The following MALRD1 variants were observed in gnomAD, a reference collection of about 807,000 sequenced individuals.
MALRD1 encodes MAM and LDL receptor class A domain containing 1.
Under a neutral mutation model 242.1 loss-of-function variants are expected in MALRD1, and 247 were observed. That is an observed-to-expected ratio of 1.02 (90% confidence interval 0.92 to 1.13). The LOEUF is 1.13. Among genes scored for constraint, MALRD1 ranks in the 50% most tolerant of loss-of-function variants. MALRD1 has a pLI of 0.00. For synonymous variants in MALRD1, 995 were observed against 866.6 expected, an observed-to-expected ratio of 1.15 and a Z score of -2.60; for missense variants, 2,989 against 2,533.1, an observed-to-expected ratio of 1.18 and a Z score of -3.86.
intron 29 of MALRD1, among the ~76,000 whole-genome samples, chr10:19,450,722 A>C (rs975286425): frequency 3.9e-5 from 6 of 152,222 alleles, no homozygotes; most frequent in African/African-American, 1.4e-4. Flanking sequence ...GCATATAAAC[A>C]ACAGAAATTT....
chr10:19,190,852 C>A (rs562013697), intron 14 of MALRD1, among the ~76,000 whole-genome samples: 1 of 151,982 alleles, frequency 6.6e-6, no homozygotes, highest in African/African-American at 2.4e-5. Context: ...CTATAAAACT[C>A]TTAGAAGAAA....
intron 5 of MALRD1, among the ~76,000 whole-genome samples, chr10:19,112,625 C>T (rs1413497926): frequency 6.6e-6 from 1 of 151,982 alleles, no homozygotes; most frequent in African/African-American, 2.4e-5. Context: ...AAATTTTGGG[C>T]AGGAAGAAGG....
intron 5 of MALRD1, among the ~76,000 whole-genome samples, chr10:19,109,686 C>T (rs1313183951): frequency 6.6e-6 from 1 of 152,202 alleles, no homozygotes; most frequent in African/African-American, 2.4e-5. Context: ...AGCAGATCCT[C>T]ATGGATGGGG....
At chr10:19,197,097 G>A (rs1428614810) in intron 14 of MALRD1, among the ~76,000 whole-genome samples, 2 of 152,096 alleles carry the variant, frequency 1.3e-5, no homozygotes, top group South Asian at 4.1e-4. Flanking sequence ...TTATATGGTG[G>A]CAGGAGAGAG....
chr10:19,098,165 T>C (rs16918242), intron 4 of MALRD1, among the ~76,000 whole-genome samples: 37,003 of 152,090 alleles, frequency 0.24, 4,564 homozygotes, highest in Admixed American at 0.34. Flanking sequence ...GACGCTCATG[T>C]AACGGTTTTA....
intron 36 of MALRD1, among the ~76,000 whole-genome samples, chr10:19,630,011 A>G (rs555264949): frequency 2.6e-5 from 4 of 152,322 alleles, no homozygotes; most frequent in South Asian, 2.1e-4. Context: ...AAGTAGTTCA[A>G]TGCATTTTAA....
Position 19,193,491 on chromosome 10 carries a change from G to C in MALRD1, c.1952-10237G>C, listed in dbSNP as rs763357403. On this transcript the variant is annotated intron_variant, in intron 14 of 39. Coordinates refer to ENST00000454679, the MANE Select transcript of MALRD1 (RefSeq NM_001142308.3). ...GATCTCTTGAGCCTGGGAGGTTGAG[G>C]CTGCATTGAGCCGTGATCATGCCAC... is the stretch of plus-strand genomic sequence containing the variant. Among the ~76,000 whole-genome samples, 3 of 152,140 alleles carry C rather than the reference G, an allele frequency of 2.0e-5. No homozygotes were observed. The East Asian group carries it at 5.8e-4, about 29-fold the overall frequency.
chr10:19,357,906 A>C (rs986992283), intron 26 of MALRD1, among the ~76,000 whole-genome samples: 2 of 152,122 alleles, frequency 1.3e-5, no homozygotes, highest in African/African-American at 4.8e-5. Context: ...CAGAATCTGG[A>C]ATCAGTAATT....
chr10:19,225,856 T>C (rs1183357859), intron 18 of MALRD1, among the ~76,000 whole-genome samples: 1 of 152,196 alleles, frequency 6.6e-6, no homozygotes, highest in African/African-American at 2.4e-5. Flanking sequence ...TCCTCTGGCT[T>C]TCTGATATTT....
At chr10:19,702,414 G>A (rs1454254569) in intron 38 of MALRD1, among the ~76,000 whole-genome samples, 1 of 152,078 alleles carries the variant, frequency 6.6e-6, no homozygotes, top group African/African-American at 2.4e-5. Context: ...ATCCTGTCAG[G>A]GTGAGTCACT....
intron 38 of MALRD1, among the ~76,000 whole-genome samples, chr10:19,696,494 A>C (rs1833383517): frequency 1.3e-5 from 2 of 152,156 alleles, no homozygotes; most frequent in South Asian, 4.1e-4. Context: ...AATTCTCTTC[A>C]GATCTTCAGC....
intron 14 of MALRD1, among the ~76,000 whole-genome samples, chr10:19,199,153 G>A (rs936939901): frequency 5.3e-5 from 8 of 151,448 alleles, no homozygotes; most frequent in Non-Finnish European, 4.4e-5. Flanking sequence ...ACTTTCAGCA[G>A]GGGCACAAAA....
intron 36 of MALRD1, among the ~76,000 whole-genome samples, chr10:19,640,504 TTTC>T (rs1401587192): frequency 1.3e-5 from 2 of 152,194 alleles, no homozygotes; most frequent in East Asian, 3.8e-4. Flanking sequence ...TAATTTTTTT[TTTC>T]AAATAAATAA....
intron 18 of MALRD1, among the ~76,000 whole-genome samples, chr10:19,217,943 A>T (rs1184345563): frequency 6.6e-6 from 1 of 152,108 alleles, no homozygotes; most frequent in African/African-American, 2.4e-5. Flanking sequence ...TGCATGCTAA[A>T]TGTTTGTTGA....
rs2131243102 is a variant in MALRD1, at chr10:19,066,750, T to C, written c.231T>C (p.Asp77=). Residue 77 remains aspartate, a synonymous_variant, in exon 2 of 40, where the codon GAT becomes GAC. Transcript: ENST00000454679. ...CLNYERCDFE[D]GLCHMTQDQS... Reference sequence around the variant, plus strand: ...ATTATGAAAGATGTGATTTTGAGGATGGTCTCTGTCATATGACTCAAGATC... The same window carrying C: ...ATTATGAAAGATGTGATTTTGAGGACGGTCTCTGTCATATGACTCAAGATC... 1 of 1,233,754 alleles carries C rather than the reference T, an allele frequency of 8.1e-7. No homozygotes were observed. The highest frequency in any genetic ancestry group is 1.0e-6 in the Non-Finnish European group (1 of 988,036). The allele number at this position is 1,233,754 out of a possible 1,614,324, so 76.4% of individuals were successfully genotyped here.
chr10:19,305,146 A>T (rs1489479442), intron 21 of MALRD1, among the ~76,000 whole-genome samples: 2 of 151,716 alleles, frequency 1.3e-5, no homozygotes, highest in Non-Finnish European at 3.0e-5. Context: ...TTTTGCCAGT[A>T]TACGGAGTCT....
intron 36 of MALRD1, among the ~76,000 whole-genome samples, chr10:19,643,419 G>T (rs1840492030): frequency 6.6e-6 from 1 of 152,126 alleles, no homozygotes; most frequent in South Asian, 2.1e-4. Context: ...GCACTTCAGT[G>T]TGGGCAACAA....
At chr10:19,644,671 A>G (rs1313408576) in intron 36 of MALRD1, among the ~76,000 whole-genome samples, 1 of 152,206 alleles carries the variant, frequency 6.6e-6, no homozygotes, top group Non-Finnish European at 1.5e-5. Flanking sequence ...AATAATATAA[A>G]TGGTCACCAT....
At chr10:19,516,219 T>A (rs900745604) in intron 31 of MALRD1, among the ~76,000 whole-genome samples, 15 of 152,206 alleles carry the variant, frequency 9.9e-5, no homozygotes, top group Admixed American at 1.3e-4. Flanking sequence ...CCAGATCATG[T>A]AAATTTGAAA....
Sources: gnomAD v4.1 joint callset for allele counts (sites outside exome capture counted in the v4.1 genomes callset) on GRCh38, gnomAD v4.1.1 for gene constraint, MANE v1.5 for transcripts, NCBI Gene and HGNC (gene_info 2026-07-23, HGNC 2026-07-21) for gene names.